GRM4: variants seen among roughly 807,000 people sequenced by gnomAD.
GRM4 encodes metabotropic glutamate receptor 4.
GRM4 carries 28 observed loss-of-function variants against 81.7 expected under a neutral mutation model. The ratio of observed to expected loss-of-function variants is 0.34; its 90% CI spans 0.25 to 0.47. The LOEUF (loss-of-function observed/expected upper bound fraction) is 0.47. GRM4 is among the 20% of genes least tolerant of loss of function. The pLI is 1.00. For missense variants in GRM4, 948 were observed against 1,290.0 expected, an observed-to-expected ratio of 0.73 and a Z score of 4.06; for synonymous variants, 488 against 528.8, an observed-to-expected ratio of 0.92 and a Z score of 1.06.
chr6:34,149,138 C>T (rs951272902), upstream of GRM4, among the ~76,000 whole-genome samples: 1 of 145,912 alleles, frequency 6.9e-6, no homozygotes, highest in Non-Finnish European at 1.5e-5. Flanking sequence ...AAGCAACTCC[C>T]CCCCAACCTT....
chr6:34,044,070 A>G (rs1481416700), intron 6 of GRM4, among the ~76,000 whole-genome samples: 1 of 150,966 alleles, frequency 6.6e-6, no homozygotes, highest in East Asian at 1.9e-4. Flanking sequence ...ATACACATAT[A>G]TACACAGACA....
chr6:34,107,571 C>G (rs1769187042), intron 2 of GRM4, among the ~76,000 whole-genome samples: 1 of 152,134 alleles, frequency 6.6e-6, no homozygotes, highest in Admixed American at 6.5e-5. Context: ...ATGGAGCACT[C>G]CCCTTAGAAG....
chr6:34,072,819 AAC>A (rs1767023646), intron 3 of GRM4, among the ~76,000 whole-genome samples: 2 of 58,196 alleles, frequency 3.4e-5, no homozygotes, highest in Admixed American at 1.6e-4. Flanking sequence ...CACCACACAC[AAC>A]CACACATCAC....
rs573641638 is a variant in GRM4 at position 34,133,612 on chromosome 6, G to T, written c.-116C>A. The T allele has an allele frequency of 1.4e-6, 2 of 1,465,028 alleles. No homozygotes were observed. The highest frequency in any genetic ancestry group is 2.8e-5 in the African/African-American group (2 of 70,912). 90.8% of individuals were successfully genotyped at this position (1,465,028 alleles called of 1,614,324 possible). ...CAGCTTCAGCAGCAGGGGGACTGAG[G>T]GCAGCCAACCGCGTAGCCCATGCTG... On this transcript the variant is annotated 5_prime_UTR_variant, in exon 2 of 11. Transcript: ENST00000538487. This position sits in a 1 kb window ranked among gnomAD's most constrained non-coding sequence, Gnocchi z 6.5.
At chr6:34,028,494 A>C in intron 9 of GRM4, 128 bp from the exon 10 acceptor site, 2 of 984,042 alleles carry the variant, frequency 2.0e-6, no homozygotes, top group South Asian at 3.2e-5. Context: ...CGTGGCTTGG[A>C]GCTGGGACTG....
At chr6:34,093,618 GGAGCAGAGCA>G (rs1768356589) in intron 2 of GRM4, among the ~76,000 whole-genome samples, 1 of 152,166 alleles carries the variant, frequency 6.6e-6, no homozygotes, top group African/African-American at 2.4e-5. Flanking sequence ...CTGTGTGGCT[GGAGCAGAGCA>G]GGATGGGGAG....
chr6:34,144,094 C>T lies in GRM4; in HGVS notation c.-364+1906G>A, dbSNP rs574143870. Among the ~76,000 whole-genome samples, 5 of 152,348 alleles carry T rather than the reference C, an allele frequency of 3.3e-5. No homozygotes were observed. In the South Asian group the frequency reaches 1.0e-3, roughly 32 times the overall value. ...GGAGAAAGAAGCAAGGCGCCTCCTC[C>T]GACAGGGACTGAAAGTCTGAGGGCG... On this transcript the variant is annotated intron_variant, in intron 1 of 10. Coordinates refer to ENST00000538487, the MANE Select transcript of GRM4 (RefSeq NM_000841.4).
chr6:34,033,224 C>G (rs1029290492), intron 9 of GRM4, among the ~76,000 whole-genome samples: 3 of 152,208 alleles, frequency 2.0e-5, no homozygotes, highest in Non-Finnish European at 4.4e-5. Flanking sequence ...GAAGCAGACC[C>G]AGTCTCAGAT....
intron 9 of GRM4, among the ~76,000 whole-genome samples, chr6:34,032,768 C>G (rs1286800616): frequency 6.6e-6 from 1 of 152,098 alleles, no homozygotes; most frequent in Non-Finnish European, 1.5e-5. Flanking sequence ...GGTAGGGAGG[C>G]TGAGTTGGGG....
chr6:34,152,719 G>A lies in GRM4; in HGVS notation c.312+2360C>T, dbSNP rs1210815169. ...TCCGATGCGCTTTTAATTCCCTCCT[G>A]GGACATCAGAATGAGGGTAGAAAAG... On this transcript the variant is annotated intron_variant, in intron 1 of 8. Transcript: ENST00000374177. This position sits in a 1 kb window ranked among gnomAD's most constrained non-coding sequence, Gnocchi z 4.1. Among the ~76,000 whole-genome samples the A allele has an allele frequency of 2.0e-5, 3 of 152,126 alleles. No individual in the cohort carries two copies. Among genetic ancestry groups the A allele is most frequent in the Non-Finnish European group, 4.4e-5 (3 of 68,030 alleles).
intron 2 of GRM4, among the ~76,000 whole-genome samples, chr6:34,118,290 C>T (rs368188995): frequency 6.6e-5 from 10 of 152,188 alleles, no homozygotes; most frequent in East Asian, 1.9e-4. Context: ...CTGCCTGTTC[C>T]GTGCTTAATG....
At chr6:34,103,513 A>G (rs1768952621) in intron 2 of GRM4, 1 of 1,286,076 alleles carries the variant, frequency 7.8e-7, no homozygotes, top group Admixed American at 2.0e-5. Context: ...AGGGAGAGCA[A>G]ACGCGATCCT....
At chr6:34,131,169 C>A (rs2127510115) in intron 2 of GRM4, among the ~76,000 whole-genome samples, 1 of 152,354 alleles carries the variant, frequency 6.6e-6, no homozygotes, top group African/African-American at 2.4e-5. Flanking sequence ...ACCAGGCTAC[C>A]ATTCCCAAAC....
At chr6:34,087,226 C>G (rs753650292) in intron 3 of GRM4, among the ~76,000 whole-genome samples, 5 of 151,610 alleles carry the variant, frequency 3.3e-5, no homozygotes, top group Non-Finnish European at 5.9e-5. Context: ...CGAGACCAAC[C>G]GGGCCAACAT....
In GRM4 at chr6:34,040,689, T is replaced by C; in HGVS notation, c.1228A>G (p.Ile410Val). Reference sequence around the variant, plus strand: ...TGGCCCATGGCGTACACGGCATCGATCACAAACTGCACCTTCCCCTCCTGC... The same window carrying C: ...TGGCCCATGGCGTACACGGCATCGACCACAAACTGCACCTTCCCCTCCTGC... ...YEQEGKVQFV[I>V]DAVYAMGHAL... Residue 410 changes from isoleucine to valine, a missense_variant, in exon 7 of 11, where the codon ATC becomes GTC. Physicochemically the swap from Ile to Val is conservative, Grantham distance 29 (BLOSUM62 3). Transcript: ENST00000538487. 1 of 1,614,078 alleles carries C rather than the reference T, an allele frequency of 6.2e-7. No individual in the cohort carries two copies. The highest frequency in any genetic ancestry group is 8.5e-7 in the Non-Finnish European group (1 of 1,179,928).
intron 3 of GRM4, among the ~76,000 whole-genome samples, chr6:34,066,132 C>G (rs986215140): frequency 1.3e-5 from 2 of 152,168 alleles, no homozygotes; most frequent in Non-Finnish European, 2.9e-5. Flanking sequence ...CAGAACCACA[C>G]GGCAGCGTCT....
At chr6:34,155,439 G>T in exon 1 of GRM4, 3 of 1,306,986 alleles carry the variant, frequency 2.3e-6, no homozygotes, top group South Asian at 1.5e-5. Flanking sequence ...ACAGGCCGGC[G>T]GTTCGCAACC....
chr6:34,154,103 A>G (rs2127522223), intron 1 of GRM4, among the ~76,000 whole-genome samples: 1 of 152,302 alleles, frequency 6.6e-6, no homozygotes, highest in African/African-American at 2.4e-5. Flanking sequence ...CCACAGCCAC[A>G]TTCAGCCGTA....
rs1180160061 is a variant in GRM4 at position 34,019,021 on chromosome 6, C to T, written c.*3800G>A. The T allele has an allele frequency of 6.6e-6, 1 of 152,400 alleles. No individual in the cohort carries two copies. Among genetic ancestry groups the T allele is most frequent in the Non-Finnish European group, 1.5e-5 (1 of 68,160 alleles). 9.4% of individuals were successfully genotyped at this position (152,400 alleles called of 1,614,324 possible). Reference sequence around the variant, plus strand: ...GTGAGGGTGTCAGAAAGAGGGGCGCCCAGCCTTATGCAGGCTCAGCATCTT... The same window carrying T: ...GTGAGGGTGTCAGAAAGAGGGGCGCTCAGCCTTATGCAGGCTCAGCATCTT... On this transcript the variant is annotated 3_prime_UTR_variant, in exon 11 of 11. Coordinates refer to ENST00000538487, the MANE Select transcript of GRM4 (RefSeq NM_000841.4).
Sources: gnomAD v4.1 joint callset for allele counts (sites outside exome capture counted in the v4.1 genomes callset) on GRCh38, gnomAD v4.1.1 for gene constraint, Gnocchi (gnomAD v3.1) non-coding constraint, MANE v1.5 for transcripts, NCBI Gene and HGNC (gene_info 2026-07-23, HGNC 2026-07-21) for gene names.